EIF2D: variants seen among roughly 807,000 people sequenced by gnomAD.
EIF2D encodes the protein hepatocellular carcinoma-associated antigen 56.
A neutral mutation model predicts 77.4 loss-of-function variants in EIF2D; 56 were observed. That is an observed-to-expected ratio of 0.72 (90% CI 0.58 to 0.90). The LOEUF is 0.90. Ranked by LOEUF, EIF2D falls within the 40% of genes least tolerant of loss-of-function variation. The pLI is 0.00. For synonymous variants in EIF2D, 230 were observed against 271.0 expected (o/e 0.85, Z 1.49); for missense variants, 574 against 706.5 (o/e 0.81, Z 2.13).
In EIF2D at chr1:206,602,845, C is replaced by T. The variant is rs540512795; in HGVS notation, c.784+106G>A. ...CACAGAAAATAAGGACCTTCCCCTC[C>T]TCCCCCGGAAGCTTAAGGGCCATTC... On this transcript the variant is annotated intron_variant, in intron 6 of 14. Transcript: ENST00000271764. 3.4e-5 allele frequency: 51 copies of T among 1,478,460 alleles called. No homozygotes were observed. In the Middle Eastern group the frequency reaches 6.5e-4, roughly 19 times the overall value. The allele number at this position is 1,478,460 out of a possible 1,614,324, so 91.6% of individuals were successfully genotyped here. A position where few individuals can be genotyped will look rare whatever the true frequency, so the allele number is the denominator to read the frequency against.
chr1:206,611,137 G>T, intron 2 of EIF2D, 47 bp downstream of exon 2: 2 of 1,528,462 alleles, frequency 1.3e-6, no homozygotes, highest in Non-Finnish European at 1.8e-6. Flanking sequence ...CAGATGTTAG[G>T]CAAGAACTAC....
intron 2 of EIF2D, among the ~76,000 whole-genome samples, chr1:206,582,010 G>T (rs933079748): frequency 3.2e-4 from 49 of 152,148 alleles, no homozygotes; most frequent in African/African-American, 1.1e-3. Context: ...CTGGGCCTCA[G>T]TTTCCTCATT....
chr1:206,605,003 C>G (rs559281403), intron 5 of EIF2D: 2 of 155,354 alleles, frequency 1.3e-5, no homozygotes, highest in African/African-American at 4.8e-5. Flanking sequence ...AGGTTATAAT[C>G]CTGGAGTCTA....
In EIF2D at chr1:206,585,127, GC is replaced by G. The variant is rs560512424; in HGVS notation, c.139-3966del. On this transcript the variant is annotated intron_variant and NMD_transcript_variant, in intron 2 of 5. Coordinates refer to the EIF2D transcript ENST00000472709. ...TTCCAATCCTTTCCCGCAAGCCTGG[GC>G]CCCGCCCTTCTTTTCTGGGAAGAGC... The G allele has an allele frequency of 7.8e-5, 108 of 1,389,210 alleles. 1 individual carries two copies. The South Asian group carries it at 1.2e-3, about 15-fold the overall frequency. The allele number at this position is 1,389,210 out of a possible 1,614,324, so 86.1% of individuals were successfully genotyped here.
At chr1:206,573,059 T>C (rs547755966) in intron 4 of EIF2D, among the ~76,000 whole-genome samples, 3 of 152,254 alleles carry the variant, frequency 2.0e-5, no homozygotes, top group Non-Finnish European at 4.4e-5. Flanking sequence ...ATTTGGATGA[T>C]GACGCACTAG....
chr1:206,595,103 A>G (rs1450769066), intron 13 of EIF2D: 1 of 152,230 alleles, frequency 6.6e-6, no homozygotes, highest in Non-Finnish European at 1.5e-5. Context: ...CAGTGAGGCA[A>G]CGGCTGCATT....
intron 5 of EIF2D, chr1:206,604,869 C>T (rs1490258299): frequency 6.6e-6 from 1 of 151,854 alleles, no homozygotes; most frequent in Non-Finnish European, 1.5e-5. Flanking sequence ...GCTAAAATGA[C>T]AAGAAAATAA....
At chr1:206,574,591 C>G (rs1553404821) in intron 4 of EIF2D, among the ~76,000 whole-genome samples, 1 of 152,152 alleles carries the variant, frequency 6.6e-6, no homozygotes, top group Non-Finnish European at 1.5e-5. Flanking sequence ...AGCAGAAGCT[C>G]CATGATAAAG....
chr1:206,583,882 T>A (rs1238356166), intron 2 of EIF2D, among the ~76,000 whole-genome samples: 1 of 152,162 alleles, frequency 6.6e-6, no homozygotes, highest in Non-Finnish European at 1.5e-5. Context: ...ATCAGCTGGC[T>A]CTTTGGGGTT....
rs1211825790 is a variant in EIF2D, at chr1:206,579,060, C to T, written c.*254+1632G>A. On this transcript the variant is annotated intron_variant and NMD_transcript_variant, in intron 4 of 5. Coordinates refer to the EIF2D transcript ENST00000472709. This position sits in a 1 kb window ranked among gnomAD's most constrained non-coding sequence, Gnocchi z 4.2. ...GGGTGTCGCTGTGAACCCCTAGCAC[C>T]CAGCCTCTTTACATGGCTGTTCCCC... Among the ~76,000 whole-genome samples, 1 of 152,102 alleles carries T rather than the reference C, an allele frequency of 6.6e-6. No homozygotes were observed. Among genetic ancestry groups the T allele is most frequent in the African/African-American group, 2.4e-5 (1 of 41,414 alleles).
chr1:206,603,704 T>C (rs1356282435), intron 5 of EIF2D, among the ~76,000 whole-genome samples: 1 of 152,170 alleles, frequency 6.6e-6, no homozygotes, highest in African/African-American at 2.4e-5. Flanking sequence ...CTGTGTTACA[T>C]CAAATGCAGT....
intron 2 of EIF2D, among the ~76,000 whole-genome samples, chr1:206,581,626 G>C (rs1163027710): frequency 6.6e-6 from 1 of 151,622 alleles, no homozygotes; most frequent in African/African-American, 2.4e-5. Context: ...GAGAGACAGA[G>C]AGAGAGGGGG....
downstream of EIF2D, among the ~76,000 whole-genome samples, chr1:206,569,878 G>T (rs1286564121): frequency 6.6e-6 from 1 of 152,098 alleles, no homozygotes; most frequent in African/African-American, 2.4e-5. Context: ...CCTAGGAAAA[G>T]AGCCTGGTCT....
intron 11 of EIF2D, among the ~76,000 whole-genome samples, chr1:206,598,308 G>A (rs1320126383): frequency 1.3e-5 from 2 of 152,106 alleles, no homozygotes; most frequent in South Asian, 2.1e-4. Context: ...AAAATGTTGG[G>A]ATTACAGACA....
intron 2 of EIF2D, among the ~76,000 whole-genome samples, chr1:206,582,171 G>C (rs1408775013): frequency 1.3e-5 from 2 of 152,200 alleles, no homozygotes; most frequent in Non-Finnish European, 2.9e-5. Context: ...GTGAACTTGA[G>C]AGAGAGCCAG....
chr1:206,586,810 C>G (rs1337085295), downstream of EIF2D: 1 of 1,605,992 alleles, frequency 6.2e-7, no homozygotes, highest in South Asian at 1.1e-5. Flanking sequence ...CCACAAATCT[C>G]CCTCTCGCCT....
At chr1:206,587,391 A>G (rs1166967642), downstream of EIF2D, 6 of 289,096 alleles carry the variant, frequency 2.1e-5, no homozygotes, top group Non-Finnish European at 3.4e-5. Context: ...TGCCACGTAC[A>G]GGACCATTAT....
chr1:206,593,508 A>AGAGAGAGTGTGTGT (rs10533643), intron 14 of EIF2D, 111 bp downstream of exon 14: 15 of 401,592 alleles, frequency 3.7e-5, no homozygotes, highest in African/African-American at 2.6e-4. Flanking sequence ...AGAGAGAGAG[A>AGAGAGAGTGTGTGT]GTGTGTGTGT....
Position 206,599,786 on chromosome 1 carries a change from C to G in EIF2D, c.999G>C (p.Lys333Asn). The change falls in exon 9 of 15, where the codon AAG becomes AAC. Residue 333 changes from lysine (K) to asparagine (N), a missense_variant. Physicochemically the swap from Lys to Asn is moderately conservative, Grantham distance 94. Coordinates refer to ENST00000271764, the MANE Select transcript of EIF2D (RefSeq NM_006893.3). The surrounding 1 kb of genome is among the most constrained non-coding windows in gnomAD (Gnocchi z 4.1). ...QMQQEQIIQV[K>N]ELSKGVESIV... ...TGCTCTCCACCCCTTTGCTCAGCTC[C>G]TTCACCTGTATAATCTGCTCCTGCT... is the stretch of plus-strand genomic sequence containing the variant. The G allele has an allele frequency of 6.2e-7, 1 of 1,614,148 alleles. No individual in the cohort carries two copies. The highest frequency in any genetic ancestry group is 8.5e-7 in the Non-Finnish European group (1 of 1,180,022).
Sources: gnomAD v4.1 joint callset for allele counts (sites outside exome capture counted in the v4.1 genomes callset) on GRCh38, gnomAD v4.1.1 for gene constraint, Gnocchi (gnomAD v3.1) non-coding constraint, MANE v1.5 for transcripts, NCBI Gene and HGNC (gene_info 2026-07-23, HGNC 2026-07-21) for gene names.